SERPINE2: variants seen among roughly 807,000 people sequenced by gnomAD.
SERPINE2 encodes the protein glia-derived nexin.
Under a neutral mutation model 36.3 loss-of-function variants are expected in SERPINE2, and 14 were observed. That is an observed-to-expected ratio of 0.39 (90% confidence interval 0.25 to 0.60). The LOEUF (loss-of-function observed/expected upper bound fraction) is 0.60, where lower values mean the gene tolerates loss of function less well. Among genes scored for constraint, SERPINE2 ranks in the 20% least tolerant of loss-of-function variants. The pLI is 0.57. For missense variants in SERPINE2, 418 were observed against 499.6 expected, an observed-to-expected ratio of 0.84 and a Z score of 1.56; for synonymous variants, 192 against 191.8, an observed-to-expected ratio of 1.00 and a Z score of -0.01.
intron 1 of SERPINE2, among the ~76,000 whole-genome samples, chr2:224,003,096 A>C (rs1049204456): frequency 6.6e-6 from 1 of 152,148 alleles, no homozygotes; most frequent in South Asian, 2.1e-4. Context: ...TCTCTATGGC[A>C]GGAACATCGT....
chr2:224,006,981 AGCACCT>A (rs1476602330), intron 1 of SERPINE2, among the ~76,000 whole-genome samples: 32 of 152,186 alleles, frequency 2.1e-4, no homozygotes, highest in Non-Finnish European at 1.3e-4. Flanking sequence ...AGGCTGTGTG[AGCACCT>A]GTGACGAGAC....
At chr2:223,978,165 G>C (rs975334104) in intron 7 of SERPINE2, 1 of 153,396 alleles carries the variant, frequency 6.5e-6, no homozygotes, top group Non-Finnish European at 1.5e-5. Context: ...CTGAGTAGCT[G>C]GGATTACAGG....
intron 2 of SERPINE2, 157 bp downstream of exon 2, chr2:224,001,485 C>G (rs1346765377): frequency 4.0e-6 from 3 of 751,260 alleles, no homozygotes; most frequent in African/African-American, 3.9e-5. Context: ...AGTGTTTGTT[C>G]TTTAGAAGAG....
At chr2:224,003,313 C>A (rs1243791979) in intron 1 of SERPINE2, among the ~76,000 whole-genome samples, 1 of 152,142 alleles carries the variant, frequency 6.6e-6, no homozygotes, top group Non-Finnish European at 1.5e-5. Context: ...CCTGTAGAGC[C>A]TGGAAAGGCA....
chr2:223,987,187 T>A (rs188922349), intron 4 of SERPINE2, among the ~76,000 whole-genome samples: 14 of 152,256 alleles, frequency 9.2e-5, no homozygotes, highest in African/African-American at 2.9e-4. Flanking sequence ...GCTATGAAAA[T>A]TCATTGAGAC....
intron 1 of SERPINE2, 76 bp from the exon 2 acceptor site, chr2:224,001,998 A>T: frequency 1.0e-6 from 1 of 995,190 alleles, no homozygotes; most frequent in Non-Finnish European, 1.3e-6. Context: ...TTTCCCCCAG[A>T]TAGAGACTCG....
intron 1 of SERPINE2, among the ~76,000 whole-genome samples, chr2:224,003,067 T>A (rs758702882): frequency 6.6e-6 from 1 of 151,796 alleles, no homozygotes; most frequent in East Asian, 1.9e-4. Context: ...GGTCATTAGA[T>A]AGGGTGATCA....
intron 7 of SERPINE2, chr2:223,978,433 C>T (rs1690096112): frequency 6.6e-6 from 1 of 152,300 alleles, no homozygotes; most frequent in African/African-American, 2.4e-5. Context: ...ATTTAGGTTT[C>T]CTCTGCACTG....
At chr2:223,993,091 C>A (rs1690736224) in intron 3 of SERPINE2, among the ~76,000 whole-genome samples, 1 of 151,868 alleles carries the variant, frequency 6.6e-6, no homozygotes, top group Non-Finnish European at 1.5e-5. Context: ...CACCACTGCA[C>A]TCCAGCCTGG....
chr2:224,035,974 G>C (rs961467494), intron 1 of SERPINE2, among the ~76,000 whole-genome samples: 3 of 132,068 alleles, frequency 2.3e-5, no homozygotes, highest in Non-Finnish European at 4.9e-5. Context: ...ACATCTCCAT[G>C]AACGGTGGAA....
chr2:223,989,996 G>C (rs11694490), intron 4 of SERPINE2, among the ~76,000 whole-genome samples: 125,483 of 152,088 alleles, frequency 0.83, 52,585 homozygotes, highest in Non-Finnish European at 0.91. Flanking sequence ...GGAAGAGAGG[G>C]GTGGTGACCC....
chr2:223,988,657 A>C (rs1690530648), intron 4 of SERPINE2, among the ~76,000 whole-genome samples: 1 of 152,244 alleles, frequency 6.6e-6, no homozygotes, highest in African/African-American at 2.4e-5. Context: ...AAACATTTGT[A>C]ACAACTATGA....
In SERPINE2 at chr2:224,003,029, G is replaced by C. The variant is rs375856652; in HGVS notation, c.-22-1107C>G. Among the ~76,000 whole-genome samples, 275 of 152,288 alleles carry C rather than the reference G, an allele frequency of 1.8e-3. 2 individuals are homozygous for C. The highest frequency in any genetic ancestry group is 6.4e-3 in the African/African-American group (266 of 41,560). Reference sequence around the variant, plus strand: ...ATGATAAAATACAGGGATGCGAGCAGATGAGGGGCCGGCAGGGTGCGGGGG... The same window carrying C: ...ATGATAAAATACAGGGATGCGAGCACATGAGGGGCCGGCAGGGTGCGGGGG... On this transcript the variant is annotated intron_variant, in intron 1 of 8. Transcript: ENST00000409304.
chr2:223,989,677 C>T (rs1351795836), intron 4 of SERPINE2, among the ~76,000 whole-genome samples: 2 of 152,184 alleles, frequency 1.3e-5, no homozygotes, highest in Admixed American at 6.5e-5. Context: ...GCATCCAGTT[C>T]CAGGTTCCTC....
At chr2:223,989,041 T>C (rs763130417) in intron 4 of SERPINE2, among the ~76,000 whole-genome samples, 2 of 152,170 alleles carry the variant, frequency 1.3e-5, no homozygotes, top group African/African-American at 4.8e-5. Flanking sequence ...TCCTAGGAAA[T>C]AGGATTTTAG....
intron 1 of SERPINE2, among the ~76,000 whole-genome samples, chr2:224,004,679 G>T (rs1248599763): frequency 2.6e-5 from 4 of 151,776 alleles, no homozygotes; most frequent in African/African-American, 9.7e-5. Flanking sequence ...TTTCTTTTGA[G>T]CAATAAATAT....
At chr2:224,002,377 T>C (rs1210460143) in intron 1 of SERPINE2, among the ~76,000 whole-genome samples, 1 of 152,196 alleles carries the variant, frequency 6.6e-6, no homozygotes, top group Non-Finnish European at 1.5e-5. Context: ...TTAAATCAGT[T>C]TTCAAAACAC....
At chr2:224,026,039 T>C (rs1692169978) in intron 1 of SERPINE2, among the ~76,000 whole-genome samples, 1 of 152,180 alleles carries the variant, frequency 6.6e-6, no homozygotes, top group South Asian at 2.1e-4. Context: ...ATAGGAGAAG[T>C]GACACATTCC....
At chr2:223,975,988 G>A in intron 8 of SERPINE2, 84 bp from the exon 9 acceptor site, 1 of 1,297,122 alleles carries the variant, frequency 7.7e-7, no homozygotes, top group Non-Finnish European at 1.1e-6. Flanking sequence ...TTTAAGGGAA[G>A]GGAAACAATC....
Sources: gnomAD v4.1 joint callset for allele counts (sites outside exome capture counted in the v4.1 genomes callset) on GRCh38, gnomAD v4.1.1 for gene constraint, MANE v1.5 for transcripts, NCBI Gene and HGNC (gene_info 2026-07-23, HGNC 2026-07-21) for gene names.